The following PCDHA1 variants were observed in gnomAD, a reference collection of about 807,000 sequenced individuals.
PCDHA1 encodes the protein protocadherin alpha-1.
Under a neutral mutation model 61.3 loss-of-function variants are expected in PCDHA1, and 42 were observed. The ratio of observed to expected loss-of-function variants is 0.69; its 90% CI spans 0.54 to 0.89. The LOEUF is 0.89. PCDHA1 is among the 40% of genes least tolerant of loss of function. PCDHA1 has a pLI of 0.00. For missense variants in PCDHA1, 1,256 were observed against 1,235.3 expected (o/e 1.02, Z -0.25); for synonymous variants, 610 against 553.8 (o/e 1.10, Z -1.43).
intron 1 of PCDHA1, chr5:140,836,037 C>T: frequency 6.2e-7 from 1 of 1,613,440 alleles, no homozygotes; most frequent in Non-Finnish European, 8.5e-7. Flanking sequence ...CGTGACGCTG[C>T]AGGTGTTCGT....
intron 1 of PCDHA1, among the ~76,000 whole-genome samples, chr5:140,901,988 T>C (rs892830479): frequency 6.6e-6 from 1 of 152,164 alleles, no homozygotes; most frequent in Admixed American, 6.6e-5. Context: ...TTTAATTTCA[T>C]TTTCAGATTG....
At chr5:140,796,102 G>A (rs1554119701) in intron 1 of PCDHA1, 1 of 1,614,188 alleles carries the variant, frequency 6.2e-7, no homozygotes, top group Admixed American at 1.7e-5. Context: ...TCGCGACTCT[G>A]GTACGAATGG....
At chr5:140,850,316 T>G in intron 1 of PCDHA1, 1 of 1,597,142 alleles carries the variant, frequency 6.3e-7, no homozygotes, top group Non-Finnish European at 8.6e-7. Context: ...ACGCGTGGCT[T>G]TCATACGAGC....
chr5:140,954,290 G>T (rs2095014659), intron 1 of PCDHA1, among the ~76,000 whole-genome samples: 1 of 152,126 alleles, frequency 6.6e-6, no homozygotes, highest in Non-Finnish European at 1.5e-5. Flanking sequence ...ATTCCTTTGG[G>T]TACATACCCA....
In PCDHA1 at chr5:140,987,075, G is replaced by A. The variant is rs564788093; in HGVS notation, c.2542+4512G>A. On this transcript the variant is annotated intron_variant, in intron 3 of 3. Coordinates refer to ENST00000504120, the MANE Select transcript of PCDHA1 (RefSeq NM_018900.4). ...CTAAAGTTACAAAAATGAGCTGGGC[G>A]TGGTGGCAGGTGCCTGTAATCCCAG... is the stretch of plus-strand genomic sequence containing the variant. Among the ~76,000 whole-genome samples the A allele has an allele frequency of 3.7e-4, 57 of 152,124 alleles. No individual in the cohort carries two copies. In the East Asian group the frequency reaches 9.9e-3, roughly 26 times the overall value.
intron 2 of PCDHA1, among the ~76,000 whole-genome samples, chr5:140,982,129 A>G (rs2153827592): frequency 6.6e-6 from 1 of 152,376 alleles, no homozygotes; most frequent in East Asian, 1.9e-4. Context: ...TTTGAGAACA[A>G]GCCCTCCTCA....
In PCDHA1 at chr5:140,975,255, C is replaced by A. The variant is rs530385456; in HGVS notation, c.2395-3694C>A. On this transcript the variant is annotated intron_variant, in intron 1 of 3. Transcript: ENST00000504120. ...ATGGAATCCCTCTTATGCTTCAGAT[C>A]TCTCTGATTTCTGTCTCTGACCTCT... Among the ~76,000 whole-genome samples, 6 of 152,334 alleles carry A rather than the reference C, an allele frequency of 3.9e-5. No individual in the cohort carries two copies. In the South Asian group the frequency reaches 1.2e-3, roughly 32 times the overall value.
chr5:140,881,465 G>A, intron 1 of PCDHA1: 1 of 597,254 alleles, frequency 1.7e-6, no homozygotes, highest in Non-Finnish European at 2.1e-6. Flanking sequence ...TTAGAGCATT[G>A]TTGTGGCTAA....
At chr5:140,937,981 T>TA (rs1554211927) in intron 1 of PCDHA1, among the ~76,000 whole-genome samples, 2 of 152,254 alleles carry the variant, frequency 1.3e-5, no homozygotes, top group Non-Finnish European at 2.9e-5. Flanking sequence ...ATACTGATTT[T>TA]ATGTTAACTT....
chr5:140,965,435 T>C (rs1327952223), intron 1 of PCDHA1, among the ~76,000 whole-genome samples: 1 of 151,992 alleles, frequency 6.6e-6, no homozygotes, highest in Non-Finnish European at 1.5e-5. Context: ...CTGCAGTCAT[T>C]GAAATTGCTG....
At chr5:140,897,451 TC>T (rs2066120094) in intron 1 of PCDHA1, among the ~76,000 whole-genome samples, 1 of 151,584 alleles carries the variant, frequency 6.6e-6, no homozygotes, top group Non-Finnish European at 1.5e-5. Context: ...TGGTTTTTTG[TC>T]CTTGCGATAG....
At chr5:140,794,058 T>G (rs1371285422) in intron 1 of PCDHA1, among the ~76,000 whole-genome samples, 9 of 152,240 alleles carry the variant, frequency 5.9e-5, no homozygotes, top group African/African-American at 1.9e-4. Flanking sequence ...AAGAAATATA[T>G]GCACACCCAT....
intron 1 of PCDHA1, chr5:140,810,947 T>C (rs1170384850): frequency 6.6e-6 from 1 of 152,206 alleles, no homozygotes; most frequent in Non-Finnish European, 1.5e-5. Flanking sequence ...ACAATCCATT[T>C]GGAATATACA....
chr5:140,969,069 T>G, intron 1 of PCDHA1: 1 of 1,614,160 alleles, frequency 6.2e-7, no homozygotes, highest in Non-Finnish European at 8.5e-7. Flanking sequence ...GATGCCAGGA[T>G]ACCGCATGGC....
chr5:140,944,743 T>A (rs1307968034), intron 1 of PCDHA1, among the ~76,000 whole-genome samples: 2 of 152,238 alleles, frequency 1.3e-5, no homozygotes, highest in East Asian at 3.8e-4. Flanking sequence ...TCTGAGCATT[T>A]ACATGGAAAA....
intron 1 of PCDHA1, among the ~76,000 whole-genome samples, chr5:140,839,578 T>TG (rs1264891718): frequency 1.3e-5 from 2 of 151,912 alleles, no homozygotes; most frequent in Non-Finnish European, 2.9e-5. Context: ...TTTGTAGAGA[T>TG]GGGGTCTTAC....
chr5:140,797,489 A>G (rs1554120456), intron 1 of PCDHA1: 1 of 1,001,256 alleles, frequency 1.0e-6, no homozygotes, highest in African/African-American at 1.6e-5. Context: ...AATATGAATT[A>G]GAGATCAATT....
At chr5:140,822,804 T>C (rs558794478) in intron 1 of PCDHA1, 2 of 1,614,204 alleles carry the variant, frequency 1.2e-6, no homozygotes, top group Non-Finnish European at 1.7e-6. Flanking sequence ...TGGATGTGAA[T>C]GATAATACCC....
intron 1 of PCDHA1, chr5:140,967,826 G>A (rs782046643): frequency 1.2e-6 from 2 of 1,614,168 alleles, no homozygotes; most frequent in East Asian, 4.5e-5. Context: ...GGTGCTGGTG[G>A]ACATCGTGGA....
Sources: gnomAD v4.1 joint callset for allele counts (sites outside exome capture counted in the v4.1 genomes callset) on GRCh38, gnomAD v4.1.1 for gene constraint, MANE v1.5 for transcripts, NCBI Gene and HGNC (gene_info 2026-07-23, HGNC 2026-07-21) for gene names.